Variants in PCDH15 observed in about 807,000 individuals in gnomAD.
The protein encoded by PCDH15 is protocadherin related 15.
Under a neutral mutation model 178.5 loss-of-function variants are expected in PCDH15, and 129 were observed. The ratio of observed to expected loss-of-function variants is 0.72; its 90% CI spans 0.63 to 0.84. PCDH15 has a LOEUF of 0.84. PCDH15 is among the 40% of genes least tolerant of loss of function. The probability of loss-of-function intolerance (pLI) is 0.00; values close to 1 mark genes in which losing one functional copy is unlikely to be tolerated. For missense variants in PCDH15, 2,230 were observed against 2,099.9 expected (o/e 1.06, Z -1.21); for synonymous variants, 800 against 732.0 (o/e 1.09, Z -1.50).
intron 35 of PCDH15, among the ~76,000 whole-genome samples, chr10:53,812,725 G>A (rs935065581): frequency 6.6e-6 from 1 of 152,138 alleles, no homozygotes; most frequent in African/African-American, 2.4e-5. Context: ...ACTTTAACAT[G>A]TTAAGCAGGT....
At chr10:55,464,277 T>C (rs1481136978) in intron 2 of PCDH15, among the ~76,000 whole-genome samples, 1 of 152,128 alleles carries the variant, frequency 6.6e-6, no homozygotes, top group East Asian at 1.9e-4. Context: ...ATCATAAAGA[T>C]GAATTGAGAT....
intron 2 of PCDH15, among the ~76,000 whole-genome samples, chr10:54,913,573 T>C (rs1162149316): frequency 6.6e-6 from 1 of 152,236 alleles, no homozygotes; most frequent in African/African-American, 2.4e-5. Flanking sequence ...ATTGGTGCAC[T>C]GCTTGGTGAA....
intron 3 of PCDH15, among the ~76,000 whole-genome samples, chr10:54,437,023 C>T (rs1380026083): frequency 6.6e-6 from 1 of 152,146 alleles, no homozygotes; most frequent in South Asian, 2.1e-4. Context: ...TGATTTAAAT[C>T]ATGAGAAATC....
At chr10:54,490,740 A>C (rs1257898530) in intron 3 of PCDH15, among the ~76,000 whole-genome samples, 2 of 152,174 alleles carry the variant, frequency 1.3e-5, no homozygotes, top group Non-Finnish European at 2.9e-5. Flanking sequence ...AAGTCAAAAT[A>C]CTGATCATAT....
intron 28 of PCDH15, among the ~76,000 whole-genome samples, chr10:53,842,351 G>A (rs2077708731): frequency 6.6e-6 from 1 of 152,102 alleles, no homozygotes; most frequent in South Asian, 2.1e-4. Flanking sequence ...CCACCTCCCG[G>A]GTTCAAGGGA....
At chr10:54,297,662 G>A (rs1340526780) in intron 8 of PCDH15, among the ~76,000 whole-genome samples, 2 of 152,106 alleles carry the variant, frequency 1.3e-5, no homozygotes, top group African/African-American at 2.4e-5. Flanking sequence ...CCAGGCTATT[G>A]GTTCTGTCCC....
Position 54,239,434 on chromosome 10 carries a change from G to T in PCDH15, c.877-2503C>A, listed in dbSNP as rs958969065. Among the ~76,000 whole-genome samples, 145 of 145,916 alleles carry T rather than the reference G, an allele frequency of 9.9e-4. 1 individual carries two copies. The highest frequency in any genetic ancestry group is 3.8e-3 in the African/African-American group (143 of 37,648). On this transcript the variant is annotated intron_variant, in intron 8 of 37. Coordinates refer to ENST00000644397, the MANE Select transcript of PCDH15 (RefSeq NM_001384140.1). ...GATTAAATATATATATATATATATA[G>T]AGTAAGAACTGAAGAACTAAAAAGA...
chr10:54,328,512 G>T (rs542738791), intron 7 of PCDH15, among the ~76,000 whole-genome samples: 1 of 151,886 alleles, frequency 6.6e-6, no homozygotes, highest in Non-Finnish European at 1.5e-5. Flanking sequence ...AGTGAATACC[G>T]CATATCCCTT....
chr10:55,520,119 A>G (rs1841126688), intron 2 of PCDH15, among the ~76,000 whole-genome samples: 1 of 135,120 alleles, frequency 7.4e-6, no homozygotes, highest in Non-Finnish European at 1.6e-5. Flanking sequence ...CAATGTGTAT[A>G]TATATATACA....
chr10:53,939,726 C>T (rs926098831), intron 24 of PCDH15, among the ~76,000 whole-genome samples: 1 of 151,852 alleles, frequency 6.6e-6, no homozygotes, highest in Non-Finnish European at 1.5e-5. Flanking sequence ...GTAGTTAATA[C>T]ATAATAGATG....
chr10:55,203,835 G>A (rs1840319215), intron 1 of PCDH15, among the ~76,000 whole-genome samples: 1 of 151,854 alleles, frequency 6.6e-6, no homozygotes, highest in African/African-American at 2.4e-5. Flanking sequence ...CTCAATTATG[G>A]CCACCTGTTT....
intron 2 of PCDH15, among the ~76,000 whole-genome samples, chr10:55,076,707 C>T (rs1841897323): frequency 1.3e-5 from 2 of 150,860 alleles, no homozygotes; most frequent in South Asian, 2.1e-4. Context: ...AATCCACTCA[C>T]TCAGCCTCCC....
In PCDH15 at chr10:55,210,618, C is replaced by CTTTTTTTTTTTTTTTTTTTTTTTTTT. The variant is rs11412877; in HGVS notation, c.-155-43993_-155-43968dup. Among the ~76,000 whole-genome samples the CTTTTTTTTTTTTTTTTTTTTTTTTTT allele has an allele frequency of 1.6e-3, 64 of 40,344 alleles. 16 individuals carry two copies. The highest frequency in any genetic ancestry group is 3.4e-3 in the East Asian group (4 of 1,184). 26.5% of individuals were successfully genotyped at this position (40,344 alleles called of 152,430 possible). On this transcript the variant is annotated intron_variant, in intron 1 of 5. Transcript: ENST00000458638. ...ACGATTTTTTTTTCTTTTTTCTTTT[C>CTTTTTTTTTTTTTTTTTTTTTTTTTT]TTTTTTTTTTTTTTTTTTTTTTTTT...
chr10:55,071,269 G>A (rs935787108), intron 2 of PCDH15, among the ~76,000 whole-genome samples: 3 of 140,724 alleles, frequency 2.1e-5, no homozygotes, highest in African/African-American at 7.7e-5. Context: ...AAATGTAACT[G>A]GACTAAATGC....
At chr10:54,006,518 G>A (rs1383549092) in intron 20 of PCDH15, among the ~76,000 whole-genome samples, 1 of 152,086 alleles carries the variant, frequency 6.6e-6, no homozygotes, top group East Asian at 1.9e-4. Context: ...TTTCTGTTTT[G>A]TTTGAGTCTG....
At chr10:54,480,951 T>G (rs2078672048) in intron 3 of PCDH15, among the ~76,000 whole-genome samples, 1 of 151,912 alleles carries the variant, frequency 6.6e-6, no homozygotes, top group Admixed American at 6.6e-5. Flanking sequence ...TAAACATTAG[T>G]ATAGAAGTAT....
At chr10:54,880,199 T>G (rs1392831867) in intron 3 of PCDH15, among the ~76,000 whole-genome samples, 1 of 152,182 alleles carries the variant, frequency 6.6e-6, no homozygotes, top group Non-Finnish European at 1.5e-5. Context: ...TTTCCTTGGC[T>G]TCCTTAAGTC....
At chr10:54,833,572 T>C (rs1308292839) in intron 3 of PCDH15, among the ~76,000 whole-genome samples, 1 of 152,190 alleles carries the variant, frequency 6.6e-6, no homozygotes, top group African/African-American at 2.4e-5. Context: ...AACTTTTGTC[T>C]GAATTTTCAG....
At chr10:55,512,119 T>G (rs1254826443) in intron 2 of PCDH15, among the ~76,000 whole-genome samples, 2 of 152,060 alleles carry the variant, frequency 1.3e-5, no homozygotes, top group Non-Finnish European at 2.9e-5. Context: ...ACGAGAGGTA[T>G]TAACTTTACC....
Sources: gnomAD v4.1 joint callset for allele counts (sites outside exome capture counted in the v4.1 genomes callset) on GRCh38, gnomAD v4.1.1 for gene constraint, MANE v1.5 for transcripts, NCBI Gene and HGNC (gene_info 2026-07-23, HGNC 2026-07-21) for gene names.